SPRR2F: variants seen among roughly 807,000 people sequenced by gnomAD.
SPRR2F encodes small proline rich protein 2F.
A neutral mutation model predicts 0.8 loss-of-function variants in SPRR2F; 2 were observed. The observed-to-expected ratio is 2.52, with a 90% confidence interval of 1.03 to 7.95. The LOEUF is 7.95. SPRR2F is among the 30% of genes most tolerant of loss of function. The pLI, the probability that SPRR2F is intolerant of heterozygous loss-of-function variation, is 0.04. For synonymous variants in SPRR2F, 39 were observed against 33.4 expected, an observed-to-expected ratio of 1.17 and a Z score of -0.58; for missense variants, 80 against 85.8, an observed-to-expected ratio of 0.93 and a Z score of 0.27.
the SPRR2F span, among the ~76,000 whole-genome samples, chr1:153,119,352 C>CT: frequency 6.6e-6 from 1 of 152,210 alleles, no homozygotes. Context: ...GAGAGACTCA[C>CT]TTTACATGGA....
upstream of SPRR2F, among the ~76,000 whole-genome samples, chr1:153,115,104 C>T (rs1252493173): frequency 6.6e-6 from 1 of 152,130 alleles, no homozygotes; most frequent in African/African-American, 2.4e-5. Context: ...TGCCATTGCT[C>T]CCGTCAATAA....
chr1:153,114,597 A>G (rs1206270900), upstream of SPRR2F, among the ~76,000 whole-genome samples: 8 of 152,130 alleles, frequency 5.3e-5, no homozygotes, highest in African/African-American at 1.9e-4. Context: ...GTATAATCTA[A>G]TATGTATTCT....
At chr1:153,113,134 C>T (rs1053144537) in intron 1 of SPRR2F, among the ~76,000 whole-genome samples, 2 of 152,112 alleles carry the variant, frequency 1.3e-5, no homozygotes, top group Non-Finnish European at 2.9e-5. Context: ...ACACAGAAAA[C>T]GACTGTTTGG....
chr1:153,114,173 T>G (rs945898313), upstream of SPRR2F, among the ~76,000 whole-genome samples: 2 of 151,796 alleles, frequency 1.3e-5, no homozygotes, highest in Non-Finnish European at 2.9e-5. Flanking sequence ...TCCACTTCTA[T>G]CTTTCTCTCT....
At chr1:153,118,466 A>T (rs1424258356), upstream of SPRR2F, among the ~76,000 whole-genome samples, 1 of 152,168 alleles carries the variant, frequency 6.6e-6, no homozygotes, top group Non-Finnish European at 1.5e-5. Flanking sequence ...CAAAGCATCA[A>T]GAGATAAGTG....
chr1:153,119,090 A>G, the SPRR2F span, among the ~76,000 whole-genome samples: 1 of 152,324 alleles, frequency 6.6e-6, no homozygotes, highest in East Asian at 1.9e-4. Flanking sequence ...ATAAATATCT[A>G]TAGAACATAT....
upstream of SPRR2F, among the ~76,000 whole-genome samples, chr1:153,115,690 C>A (rs1164945538): frequency 2.6e-5 from 4 of 152,144 alleles, no homozygotes; most frequent in South Asian, 6.2e-4. Context: ...TACACACACA[C>A]ACATACCCAC....
chr1:153,114,314 G>T (rs1221003503), upstream of SPRR2F, among the ~76,000 whole-genome samples: 2 of 151,998 alleles, frequency 1.3e-5, no homozygotes, highest in Non-Finnish European at 2.9e-5. Context: ...TTTGCTACTT[G>T]CTGCCATTAA....
At chr1:153,116,313 C>T (rs1236016571), upstream of SPRR2F, among the ~76,000 whole-genome samples, 2 of 152,134 alleles carry the variant, frequency 1.3e-5, no homozygotes, top group Non-Finnish European at 2.9e-5. Flanking sequence ...AACATTTTAA[C>T]ATTTATGTAT....
At chr1:153,113,837 C>G (rs1464291282), upstream of SPRR2F, among the ~76,000 whole-genome samples, 3 of 151,940 alleles carry the variant, frequency 2.0e-5, no homozygotes, top group Non-Finnish European at 4.4e-5. Flanking sequence ...CTGTCTTACA[C>G]CTTCCCTAAA....
chr1:153,117,574 T>C (rs1179158699), upstream of SPRR2F, among the ~76,000 whole-genome samples: 4 of 152,088 alleles, frequency 2.6e-5, no homozygotes, highest in Non-Finnish European at 4.4e-5. Context: ...TATAAGGAAC[T>C]GAATCATTCA....
intron 1 of SPRR2F, among the ~76,000 whole-genome samples, chr1:153,113,056 C>T (rs1203833699): frequency 6.6e-6 from 1 of 152,020 alleles, no homozygotes; most frequent in Non-Finnish European, 1.5e-5. Flanking sequence ...TTCAGATACC[C>T]AGGGCTATCT....
upstream of SPRR2F, among the ~76,000 whole-genome samples, chr1:153,116,948 G>T (rs1335261102): frequency 6.6e-6 from 1 of 151,978 alleles, no homozygotes; most frequent in African/African-American, 2.4e-5. Context: ...AATTAAATCA[G>T]AAATTGCACA....
At chr1:153,119,064 C>T in the SPRR2F span, among the ~76,000 whole-genome samples, 1 of 151,922 alleles carries the variant, frequency 6.6e-6, no homozygotes, top group East Asian at 1.9e-4. Context: ...TATATAATCC[C>T]CATTGTAACC....
chr1:153,118,976 G>C, the SPRR2F span, among the ~76,000 whole-genome samples: 3 of 152,166 alleles, frequency 2.0e-5, no homozygotes, highest in South Asian at 6.2e-4. Flanking sequence ...ATAGACTTTT[G>C]TCAGAGTTGA....
chr1:153,112,380 C>G lies in SPRR2F; in HGVS notation c.*135G>C. On this transcript the variant is annotated 3_prime_UTR_variant, in exon 2 of 2. Transcript: ENST00000468739. Reference sequence around the variant, plus strand: ...TTTTGCTATCAGAGATCATCACAGGCCGATCACAGGCTAAGAGGAAAGAAG... The same window carrying G: ...TTTTGCTATCAGAGATCATCACAGGGCGATCACAGGCTAAGAGGAAAGAAG... The G allele has an allele frequency of 6.9e-7, 1 of 1,453,598 alleles. No homozygotes were observed. Among genetic ancestry groups the G allele is most frequent in the Non-Finnish European group, 9.3e-7 (1 of 1,078,746 alleles). The allele number at this position is 1,453,598 out of a possible 1,614,324, so 90.0% of individuals were successfully genotyped here.
chr1:153,116,504 C>T (rs76080981), upstream of SPRR2F, among the ~76,000 whole-genome samples: 2,270 of 152,190 alleles, frequency 0.015, 63 homozygotes, highest in African/African-American at 0.051. Flanking sequence ...CTGTCCATAG[C>T]TCAATTAGTG....
upstream of SPRR2F, among the ~76,000 whole-genome samples, chr1:153,113,992 ATT>A (rs1171281660): frequency 2.1e-3 from 166 of 78,722 alleles, 1 homozygote; most frequent in African/African-American, 8.1e-3. Flanking sequence ...CTGGTCCCAG[ATT>A]TTTTTTTTTT....
Position 153,112,743 on chromosome 1 carries a change from G to A in SPRR2F, c.-10C>T, listed in dbSNP as rs762775227. ...GCTGTTGATAAGACATCCTGCTGGA[G>A]TCTCAGAATCTGAAAGAAATTATAT... is the stretch of plus-strand genomic sequence containing the variant. On this transcript the variant is annotated 5_prime_UTR_variant, in exon 2 of 2. Coordinates refer to ENST00000468739, the MANE Select transcript of SPRR2F (RefSeq NM_001014450.3). 4 of 1,611,278 alleles carry A rather than the reference G, an allele frequency of 2.5e-6. No homozygotes were observed. The highest frequency in any genetic ancestry group is 2.5e-6 in the Non-Finnish European group (3 of 1,179,850).
Sources: allele counts gnomAD v4.1 joint callset (sites outside exome capture counted in the v4.1 genomes callset), GRCh38; gene constraint gnomAD v4.1.1; transcripts MANE v1.5; gene names NCBI Gene and HGNC (gene_info 2026-07-23, HGNC 2026-07-21).